Variants in HDX observed in about 807,000 individuals in gnomAD.
HDX encodes chromosome X open reading frame 43.
Under a neutral mutation model 45.2 loss-of-function variants are expected in HDX, and 19 were observed. That is an observed-to-expected ratio of 0.42 (90% CI 0.29 to 0.62). HDX has a LOEUF of 0.62. HDX is among the 20% of genes least tolerant of loss of function. The pLI is 0.20. For synonymous variants in HDX, 188 were observed against 172.8 expected, an observed-to-expected ratio of 1.09 and a Z score of -0.69; for missense variants, 532 against 493.9, an observed-to-expected ratio of 1.08 and a Z score of -0.73.
At chrX:84,426,822 A>C (rs1246435198) in intron 5 of HDX, among the ~76,000 whole-genome samples, 1 of 111,216 alleles carries the variant, frequency 9.0e-6, no homozygotes, top group Non-Finnish European at 1.9e-5. Context: ...AACAAATAGT[A>C]ACTATGTGAG....
intron 5 of HDX, among the ~76,000 whole-genome samples, chrX:84,375,807 A>T (rs1397971703): frequency 9.0e-6 from 1 of 110,682 alleles, no homozygotes; most frequent in African/African-American, 3.3e-5. Flanking sequence ...TGACGAGTTA[A>T]TGGGTGCAGC....
intron 4 of HDX, among the ~76,000 whole-genome samples, chrX:84,464,894 C>A (rs959020644): frequency 9.0e-6 from 1 of 111,660 alleles, no homozygotes; most frequent in African/African-American, 3.3e-5. Flanking sequence ...AGGCAACCTA[C>A]AGAATGGGAG....
At chrX:84,442,538 A>T (rs1026971995) in intron 4 of HDX, among the ~76,000 whole-genome samples, 2 of 111,480 alleles carry the variant, frequency 1.8e-5, no homozygotes, top group Non-Finnish European at 3.8e-5. Context: ...CTAGGGGTTA[A>T]TGAGAAGGTG....
intron 5 of HDX, among the ~76,000 whole-genome samples, chrX:84,399,248 A>ACCC (rs750786298): frequency 6.8e-5 from 7 of 102,208 alleles, no homozygotes; most frequent in Admixed American, 2.1e-4. Flanking sequence ...AGAGACACAA[A>ACCC]CCCCCCCCCA....
intron 6 of HDX, among the ~76,000 whole-genome samples, chrX:84,356,748 G>T (rs777305181): frequency 9.6e-6 from 1 of 104,315 alleles, no homozygotes; most frequent in Admixed American, 1.1e-4. Context: ...TCAGCTTCCC[G>T]AGTAGCTGGG....
intron 5 of HDX, among the ~76,000 whole-genome samples, chrX:84,409,201 A>G (rs1219273722): frequency 9.0e-6 from 1 of 111,112 alleles, no homozygotes; most frequent in Non-Finnish European, 1.9e-5. Context: ...TAGAATGGCG[A>G]TCATTAAAAA....
chrX:84,447,031 G>A (rs2148075758), intron 4 of HDX, among the ~76,000 whole-genome samples: 1 of 111,990 alleles, frequency 8.9e-6, no homozygotes, highest in African/African-American at 3.2e-5. Flanking sequence ...AGTGGAATTG[G>A]TGAGAAGCAG....
intron 5 of HDX, among the ~76,000 whole-genome samples, chrX:84,437,887 C>T (rs2039672744): frequency 9.0e-6 from 1 of 111,221 alleles, no homozygotes; most frequent in African/African-American, 3.3e-5. Context: ...CTTGATATTA[C>T]TGCCTGGTGT....
intron 5 of HDX, among the ~76,000 whole-genome samples, chrX:84,385,487 A>G (rs1164896465): frequency 3.6e-5 from 4 of 110,286 alleles, no homozygotes; most frequent in East Asian, 5.7e-4. Flanking sequence ...TGCTGGGACT[A>G]CAGGCGTGAG....
intron 6 of HDX, among the ~76,000 whole-genome samples, chrX:84,356,580 C>A (rs1295565779): frequency 9.9e-6 from 1 of 101,469 alleles, no homozygotes; most frequent in African/African-American, 3.6e-5. Context: ...CTCTTGATAT[C>A]AGAGAGAACA....
At chrX:84,416,363 C>A (rs1023332038) in intron 5 of HDX, among the ~76,000 whole-genome samples, 8 of 111,502 alleles carry the variant, frequency 7.2e-5, no homozygotes, top group Admixed American at 5.7e-4. Flanking sequence ...GGGCATCGAT[C>A]CTGGTAAGAT....
In HDX at chrX:84,477,746, G is replaced by T. The variant is rs189284330; in HGVS notation, c.1-2349C>A. Among the ~76,000 whole-genome samples the T allele has an allele frequency of 8.9e-4, 100 of 111,961 alleles. 1 individual carries two copies. The East Asian group carries it at 0.025, about 28-fold the overall frequency. On this transcript the variant is annotated intron_variant, in intron 2 of 10. Coordinates refer to ENST00000373177, the MANE Select transcript of HDX (RefSeq NM_001177479.2). ...ATTTGCAACAAAATAATCAAAAATA[G>T]AGTTTTTAAAATAATAACTTTTAAA...
chrX:84,470,520 A>T (rs1702160544), intron 3 of HDX, among the ~76,000 whole-genome samples: 1 of 111,590 alleles, frequency 9.0e-6, no homozygotes, highest in African/African-American at 3.3e-5. Context: ...TCTTTGTTAC[A>T]AGCTGCAATT....
intron 3 of HDX, 26 bp from the exon 4 acceptor site, chrX:84,469,601 G>T: frequency 9.2e-7 from 1 of 1,088,054 alleles, no homozygotes. Flanking sequence ...ATGGTATTAT[G>T]AAAAAAAAAT....
At chrX:84,472,854 G>A (rs917240862) in intron 3 of HDX, among the ~76,000 whole-genome samples, 7 of 109,959 alleles carry the variant, frequency 6.4e-5, no homozygotes, top group African/African-American at 2.3e-4. Context: ...CTTCCCAAAA[G>A]CTGAATTAAA....
At chrX:84,468,326 A>T in intron 4 of HDX, 146 bp downstream of exon 4, 1 of 372,262 alleles carries the variant, frequency 2.7e-6, no homozygotes, top group Middle Eastern at 7.2e-4. Flanking sequence ...AAAGAACAAG[A>T]TTCTTCAAGG....
intron 5 of HDX, among the ~76,000 whole-genome samples, chrX:84,434,970 T>A (rs2039588759): frequency 9.0e-6 from 1 of 110,873 alleles, no homozygotes; most frequent in Non-Finnish European, 1.9e-5. Context: ...CTGTTCATAG[T>A]AGTTTTAATG....
chrX:84,367,775 C>T (rs1569298470), intron 5 of HDX, among the ~76,000 whole-genome samples: 1 of 111,916 alleles, frequency 8.9e-6, no homozygotes, highest in South Asian at 3.8e-4. Flanking sequence ...ACCGCATGTT[C>T]TCACTCATAA....
At position 84,408,769 on chromosome X, in the gene HDX, G is replaced by A. The variant is rs757237622; in HGVS notation, c.1305+31763C>T. Among the ~76,000 whole-genome samples the A allele has an allele frequency of 1.3e-4, 14 of 109,402 alleles. No individual in the cohort carries two copies. In the South Asian group the frequency reaches 3.9e-3, roughly 31 times the overall value. On this transcript the variant is annotated intron_variant, in intron 5 of 10. Transcript: ENST00000373177. Reference sequence around the variant, plus strand: ...AGTGTTTTGTACTTCTCTGTGTAGCGATCTTCCACCTCCTTGGTTAGCTGT... The same window carrying A: ...AGTGTTTTGTACTTCTCTGTGTAGCAATCTTCCACCTCCTTGGTTAGCTGT...
Sources: gnomAD v4.1 joint callset for allele counts (sites outside exome capture counted in the v4.1 genomes callset) on GRCh38, gnomAD v4.1.1 for gene constraint, MANE v1.5 for transcripts, NCBI Gene and HGNC (gene_info 2026-07-23, HGNC 2026-07-21) for gene names.